Variants in NTRK3 observed in about 807,000 individuals in gnomAD.
The protein encoded by NTRK3 is neurotrophic receptor tyrosine kinase 3, also known as NT-3 growth factor receptor.
In NTRK3, 24 loss-of-function variants were observed where a neutral mutation model predicts 91.7. That is an observed-to-expected ratio of 0.26 (90% CI 0.19 to 0.37). The LOEUF is 0.37. Among genes scored for constraint, NTRK3 ranks in the 10% least tolerant of loss-of-function variants. The pLI is 1.00. For missense variants in NTRK3, 880 were observed against 1,068.9 expected, an observed-to-expected ratio of 0.82 and a Z score of 2.46; for synonymous variants, 483 against 404.0, an observed-to-expected ratio of 1.20 and a Z score of -2.34.
chr15:88,101,359 A>T (rs1257025881), intron 13 of NTRK3, among the ~76,000 whole-genome samples: 3 of 152,258 alleles, frequency 2.0e-5, no homozygotes, highest in African/African-American at 7.2e-5. Context: ...TTAAAAAGTC[A>T]GGAAACAACA....
At chr15:87,911,548 A>G (rs537042226) in intron 17 of NTRK3, among the ~76,000 whole-genome samples, 2 of 152,330 alleles carry the variant, frequency 1.3e-5, no homozygotes, top group East Asian at 3.9e-4. Context: ...TTCCTGCAGC[A>G]CTGTGCTTCA....
chr15:88,209,655 G>A (rs746021892), intron 3 of NTRK3, among the ~76,000 whole-genome samples: 1 of 152,234 alleles, frequency 6.6e-6, no homozygotes, highest in Admixed American at 6.5e-5. Flanking sequence ...CAGGAGCCAG[G>A]AACAGCAGGG....
chr15:88,026,154 C>T (rs2078020590), intron 14 of NTRK3, among the ~76,000 whole-genome samples: 1 of 151,900 alleles, frequency 6.6e-6, no homozygotes, highest in Non-Finnish European at 1.5e-5. Flanking sequence ...GCCTGTAGTC[C>T]CAGCTACTCA....
chr15:88,204,422 A>G (rs1382379777), intron 3 of NTRK3, among the ~76,000 whole-genome samples: 1 of 152,200 alleles, frequency 6.6e-6, no homozygotes. Context: ...ACGATAACAC[A>G]TTATAGAAAT....
chr15:88,229,384 C>T (rs930744145), intron 3 of NTRK3, among the ~76,000 whole-genome samples: 7 of 152,174 alleles, frequency 4.6e-5, no homozygotes, highest in Admixed American at 4.6e-4. Context: ...TTCCAATCTG[C>T]TTCTCCATGT....
At chr15:88,119,197 G>A (rs2052433130) in intron 13 of NTRK3, among the ~76,000 whole-genome samples, 1 of 151,878 alleles carries the variant, frequency 6.6e-6, no homozygotes, top group South Asian at 2.1e-4. Context: ...CAAAGGACAG[G>A]GCAGCAAAAG....
At chr15:87,981,022 C>T (rs1488858108) in intron 14 of NTRK3, among the ~76,000 whole-genome samples, 1 of 152,174 alleles carries the variant, frequency 6.6e-6, no homozygotes, top group Non-Finnish European at 1.5e-5. Context: ...TAGCCCTTAC[C>T]TAGGCCCTAT....
intron 13 of NTRK3, among the ~76,000 whole-genome samples, chr15:88,104,325 C>T (rs1208761739): frequency 1.3e-5 from 2 of 152,198 alleles, no homozygotes; most frequent in African/African-American, 4.8e-5. Context: ...TTATCAGCTT[C>T]CTTTTGAAAT....
At chr15:88,137,211 C>A (rs1011389170) in intron 7 of NTRK3, among the ~76,000 whole-genome samples, 193 bp downstream of exon 7, 1 of 152,132 alleles carries the variant, frequency 6.6e-6, no homozygotes, top group Non-Finnish European at 1.5e-5. Flanking sequence ...TCCTATGGCT[C>A]GTGCACAAAG....
At chr15:87,996,160 C>T (rs1447482697) in intron 14 of NTRK3, among the ~76,000 whole-genome samples, 1 of 152,160 alleles carries the variant, frequency 6.6e-6, no homozygotes, top group African/African-American at 2.4e-5. Flanking sequence ...AGAAGAATCA[C>T]TTGAACCCGG....
At chr15:88,027,927 G>A (rs759710967) in intron 14 of NTRK3, among the ~76,000 whole-genome samples, 2 of 152,190 alleles carry the variant, frequency 1.3e-5, no homozygotes, top group Non-Finnish European at 2.9e-5. Context: ...GGGTTAGAAG[G>A]AAGGAAGGAA....
intron 3 of NTRK3, among the ~76,000 whole-genome samples, chr15:88,196,172 T>C (rs1307754928): frequency 6.6e-6 from 1 of 152,138 alleles, no homozygotes; most frequent in Non-Finnish European, 1.5e-5. Context: ...CTCCAAAGCT[T>C]GGGGCATTTT....
intron 5 of NTRK3, among the ~76,000 whole-genome samples, chr15:88,147,863 C>A (rs539100428): frequency 6.6e-6 from 1 of 152,280 alleles, no homozygotes; most frequent in East Asian, 1.9e-4. Flanking sequence ...AGCAAACATG[C>A]CCACCAATGA....
chr15:87,927,482 C>T (rs753199538), intron 17 of NTRK3: 1 of 152,208 alleles, frequency 6.6e-6, no homozygotes, highest in African/African-American at 2.4e-5. Context: ...ATCTATTTGA[C>T]TCACGGTATG....
chr15:88,145,340 G>T (rs554635824), intron 6 of NTRK3, among the ~76,000 whole-genome samples: 40 of 152,302 alleles, frequency 2.6e-4, no homozygotes, highest in African/African-American at 8.7e-4. Context: ...TTGCTCCTTA[G>T]AGGGGGGCTT....
intron 14 of NTRK3, among the ~76,000 whole-genome samples, chr15:87,947,013 G>A (rs1306671644): frequency 1.3e-5 from 2 of 151,696 alleles, no homozygotes; most frequent in African/African-American, 2.4e-5. Context: ...CGAGTATCTG[G>A]GATTTCAGGT....
chr15:88,120,985 G>T (rs1597427881), intron 13 of NTRK3, among the ~76,000 whole-genome samples: 1 of 152,202 alleles, frequency 6.6e-6, no homozygotes, highest in Admixed American at 6.5e-5. Flanking sequence ...CTTCATGGGA[G>T]TAAGAGGAAG....
rs192005126 is a variant in NTRK3 at position 87,982,645 on chromosome 15, G to A, written c.1586-41892C>T. Reference sequence around the variant, plus strand: ...AGGGACACTGTAAATGGAGCTTAGGGGAGAAGGGGCATTGAGCACCCATAC... The same window carrying A: ...AGGGACACTGTAAATGGAGCTTAGGAGAGAAGGGGCATTGAGCACCCATAC... On this transcript the variant is annotated intron_variant, in intron 14 of 18. Transcript: ENST00000394480. Among the ~76,000 whole-genome samples the A allele has an allele frequency of 2.6e-3, 396 of 152,304 alleles. 1 individual carries two copies. Among genetic ancestry groups the A allele is most frequent in the African/African-American group, 9.1e-3 (378 of 41,564 alleles).
At chr15:87,955,143 G>C (rs1402064997) in intron 14 of NTRK3, among the ~76,000 whole-genome samples, 3 of 152,180 alleles carry the variant, frequency 2.0e-5, no homozygotes, top group Admixed American at 6.5e-5. Flanking sequence ...TGGAGTGCAT[G>C]CTAAAAATAA....
Sources: allele counts gnomAD v4.1 joint callset (sites outside exome capture counted in the v4.1 genomes callset), GRCh38; gene constraint gnomAD v4.1.1; transcripts MANE v1.5; gene names NCBI Gene and HGNC (gene_info 2026-07-23, HGNC 2026-07-21).